SET: variants seen among roughly 807,000 people sequenced by gnomAD.
The protein encoded by SET is protein SET.
Under a neutral mutation model 39.0 loss-of-function variants are expected in SET, and 4 were observed. The observed-to-expected ratio is 0.10, with a 90% CI of 0.05 to 0.23. SET has a LOEUF of 0.23. Ranked by LOEUF, SET falls within the 10% of genes least tolerant of loss-of-function variation. The probability of loss-of-function intolerance (pLI) is 1.00; values close to 1 mark genes in which losing one functional copy is unlikely to be tolerated. For missense variants in SET, 137 were observed against 329.7 expected, an observed-to-expected ratio of 0.42 and a Z score of 4.53; for synonymous variants, 114 against 115.9, an observed-to-expected ratio of 0.98 and a Z score of 0.11.
At chr9:128,693,449 C>A (rs560981606) in intron 5 of SET, among the ~76,000 whole-genome samples, 189 bp from the exon 6 acceptor site, 3 of 152,246 alleles carry the variant, frequency 2.0e-5, no homozygotes, top group Non-Finnish European at 4.4e-5. Context: ...TTATGGAAAA[C>A]CAAATGTAGT....
At chr9:128,688,111 C>T (rs992203702), upstream of SET, among the ~76,000 whole-genome samples, 4 of 151,684 alleles carry the variant, frequency 2.6e-5, no homozygotes, top group Non-Finnish European at 5.9e-5. Flanking sequence ...CTCGGGAGGC[C>T]GAGGCAGGAG....
At chr9:128,683,898 G>A (rs1228985010) in exon 1 of SET, 1 of 1,551,208 alleles carries the variant, frequency 6.4e-7, no homozygotes, top group Admixed American at 2.0e-5. Flanking sequence ...CTAACAGCAT[G>A]GCCCCTAAAC....
At chr9:128,689,751 G>T (rs1354985742) in intron 1 of SET, 96 bp downstream of exon 1, 12 of 166,008 alleles carry the variant, frequency 7.2e-5, no homozygotes, top group Admixed American at 4.8e-4. Flanking sequence ...GCGCGCGGGG[G>T]GCGCCGGGCG....
upstream of SET, among the ~76,000 whole-genome samples, chr9:128,686,283 T>C (rs1451115265): frequency 6.6e-6 from 1 of 151,938 alleles, no homozygotes; most frequent in African/African-American, 2.4e-5. Flanking sequence ...TGAGAAGCAC[T>C]GTGTGGGGAA....
intron 3 of SET, chr9:128,692,397 CAAAAA>C (rs58637669): frequency 4.1e-4 from 31 of 76,240 alleles, no homozygotes; most frequent in East Asian, 1.9e-3. Flanking sequence ...GAGACTGTTT[CAAAAA>C]AAAAAAAAAA....
At position 128,691,918 on chromosome 9, in the gene SET, C is replaced by A. The variant is rs1861550111; in HGVS notation, c.192C>A (p.Arg64=). Reference sequence around the variant, plus strand: ...TAGAACAGAAATATAACAAACTCCGCCAACCATTTTTTCAGAAGAGGTCAG... The same window carrying A: ...TAGAACAGAAATATAACAAACTCCGACAACCATTTTTTCAGAAGAGGTCAG... ...LKVEQKYNKL[R]QPFFQKRSEL... Residue 64 remains arginine (R), a synonymous_variant, in exon 3 of 8, where the codon CGC becomes CGA. Coordinates refer to ENST00000322030, the MANE Select transcript of SET (RefSeq NM_003011.4). 1.2e-6 allele frequency: 2 copies of A among 1,613,774 alleles called. No homozygotes were observed. Among genetic ancestry groups the A allele is most frequent in the East Asian group, 4.5e-5 (2 of 44,894 alleles).
Position 128,694,712 on chromosome 9 carries a change from G to C in SET, c.*48G>C. The C allele has an allele frequency of 5.7e-6, 5 of 870,720 alleles. No individual in the cohort carries two copies. Among genetic ancestry groups the C allele is most frequent in the Non-Finnish European group, 8.8e-6 (5 of 569,800 alleles). The allele number at this position is 870,720 out of a possible 1,614,324, so 53.9% of individuals were successfully genotyped here. A position where few individuals can be genotyped will look rare whatever the true frequency, so the allele number is the denominator to read the frequency against. On this transcript the variant is annotated 3_prime_UTR_variant, in exon 8 of 8. Transcript: ENST00000322030. ...CCTTCCTTTTTTTAAATTTTCTCCA[G>C]TCCCTGGGAGCAAGTTGCAGTCTTT...
intron 2 of SET, among the ~76,000 whole-genome samples, chr9:128,691,580 T>C (rs1008010007): frequency 1.3e-5 from 2 of 152,156 alleles, no homozygotes; most frequent in African/African-American, 2.4e-5. Context: ...AGGGAAACAA[T>C]TGAAATTGGA....
exon 1 of SET, chr9:128,683,795 T>G (rs935064827): frequency 1.0e-6 from 1 of 997,974 alleles, no homozygotes; most frequent in Non-Finnish European, 1.5e-6. Context: ...GCGGCTCCAG[T>G]GCAGATTTAA....
In SET at chr9:128,695,860, C is replaced by A. The variant is rs1589465599; in HGVS notation, c.*1196C>A. 1 of 227,824 alleles carries A rather than the reference C, an allele frequency of 4.4e-6. No homozygotes were observed. Among genetic ancestry groups the A allele is most frequent in the African/African-American group, 2.2e-5 (1 of 45,148 alleles). The allele number at this position is 227,824 out of a possible 1,614,324, so 14.1% of individuals were successfully genotyped here. A position where few individuals can be genotyped will look rare whatever the true frequency, so the allele number is the denominator to read the frequency against. ...GCAGTTTTTAAAATTGGCCTTTTAC[C>A]TGGATATAAATTAATTGTGCCTGCC... On this transcript the variant is annotated 3_prime_UTR_variant, in exon 8 of 8. Coordinates refer to ENST00000322030, the MANE Select transcript of SET (RefSeq NM_003011.4).
chr9:128,694,112 A>ATATG lies in SET; in HGVS notation c.810+73_810+74insGTAT, dbSNP rs1006256912. On this transcript the variant is annotated intron_variant, in intron 7 of 7. Transcript: ENST00000322030. ...ATTCATGTTATTTTGGGGTGTATAT[A>ATATG]TATATATATAGTGTGGTAGAACTGA... 7 of 1,320,882 alleles carry ATATG rather than the reference A, an allele frequency of 5.3e-6. No individual in the cohort carries two copies. The Admixed American group carries it at 1.1e-4, about 21-fold the overall frequency. 81.8% of individuals were successfully genotyped at this position (1,320,882 alleles called of 1,614,324 possible). A position where few individuals can be genotyped will look rare whatever the true frequency, so the allele number is the denominator to read the frequency against.
upstream of SET, among the ~76,000 whole-genome samples, chr9:128,688,481 G>A (rs148092844): frequency 6.6e-6 from 1 of 152,292 alleles, no homozygotes; most frequent in African/African-American, 2.4e-5. Flanking sequence ...TGCTGAAACT[G>A]GCACTTAACG....
chr9:128,695,158 A>C lies in SET; in HGVS notation c.*494A>C, dbSNP rs1184498568. 4.5e-6 allele frequency: 1 copy of C among 223,708 alleles called. No homozygotes were observed. Among genetic ancestry groups the C allele is most frequent in the East Asian group, 6.3e-5 (1 of 15,866 alleles). The allele number at this position is 223,708 out of a possible 1,614,324, so 13.9% of individuals were successfully genotyped here. A position where few individuals can be genotyped will look rare whatever the true frequency, so the allele number is the denominator to read the frequency against. On this transcript the variant is annotated 3_prime_UTR_variant, in exon 8 of 8. Transcript: ENST00000322030. ...TCTCTTGTTTAAAAAAAGAAAAAAA[A>C]ACTTAAAAAAATGGGGTTATAGAAG... is the stretch of plus-strand genomic sequence containing the variant.
intron 3 of SET, chr9:128,692,255 T>G (rs549308324): frequency 1.1e-5 from 4 of 373,058 alleles, no homozygotes; most frequent in African/African-American, 8.4e-5. Flanking sequence ...CTGGGCGTGG[T>G]GGCGCGCGCT....
At chr9:128,693,280 G>C (rs1033366947) in intron 5 of SET, among the ~76,000 whole-genome samples, 5 of 152,146 alleles carry the variant, frequency 3.3e-5, no homozygotes, top group Non-Finnish European at 7.4e-5. Context: ...TTGAGAACTG[G>C]ACTAAATTTT....
intron 1 of SET, chr9:128,690,945 A>G (rs968319487): frequency 1.2e-5 from 7 of 595,682 alleles, no homozygotes; most frequent in South Asian, 3.8e-5. Context: ...AAGGCGCTAT[A>G]GAAAACCAAT....
At chr9:128,691,138 T>C in intron 1 of SET, 32 bp from the exon 2 acceptor site, 1 of 1,554,466 alleles carries the variant, frequency 6.4e-7, no homozygotes, top group Non-Finnish European at 8.8e-7. Flanking sequence ...TAAATTTATC[T>C]TAGAATTAAG....
intron 1 of SET, 57 bp from the exon 2 acceptor site, chr9:128,691,113 A>G (rs1280328399): frequency 7.4e-7 from 1 of 1,344,032 alleles, no homozygotes; most frequent in African/African-American, 1.4e-5. Flanking sequence ...TAGTATTAAC[A>G]TCTGGAAAAC....
upstream of SET, chr9:128,689,137 AGGCCAAT>A: frequency 5.8e-6 from 2 of 347,634 alleles, no homozygotes; most frequent in South Asian, 1.2e-4. Flanking sequence ...CCCGCCGCCC[AGGCCAAT>A]GGCGCCGCGG....
Sources: allele counts gnomAD v4.1 joint callset (sites outside exome capture counted in the v4.1 genomes callset), GRCh38; gene constraint gnomAD v4.1.1; transcripts MANE v1.5; gene names NCBI Gene and HGNC (gene_info 2026-07-23, HGNC 2026-07-21).